The following PTPRG variants were observed in gnomAD, a reference collection of about 807,000 sequenced individuals.
PTPRG encodes receptor-type tyrosine-protein phosphatase gamma.
In PTPRG, 102 loss-of-function variants were observed where a neutral mutation model predicts 165.3. That is an observed-to-expected ratio of 0.62 (90% CI 0.53 to 0.73). PTPRG has a LOEUF of 0.73. Ranked by LOEUF, PTPRG falls within the 30% of genes least tolerant of loss-of-function variation. The pLI is 0.00. For synonymous variants in PTPRG, 675 were observed against 669.5 expected, an observed-to-expected ratio of 1.01 and a Z score of -0.13; for missense variants, 1,866 against 1,861.4, an observed-to-expected ratio of 1.00 and a Z score of -0.05.
At chr3:62,019,053 A>G (rs2041619335) in intron 4 of PTPRG, among the ~76,000 whole-genome samples, 1 of 152,208 alleles carries the variant, frequency 6.6e-6, no homozygotes. Context: ...ACCTTACTGA[A>G]GAAACTGGTT....
Position 61,562,258 on chromosome 3 carries a change from C to G in PTPRG, c.-30C>G, listed in dbSNP as rs369741118. On this transcript the variant is annotated 5_prime_UTR_variant, in exon 1 of 30. Coordinates refer to ENST00000474889, the MANE Select transcript of PTPRG (RefSeq NM_002841.4). Reference sequence around the variant, plus strand: ...CTTATTCAACAAGTTTACCTCCCTGCTTTCCTCTTTTCGATGTGCGTTTTC... The same window carrying G: ...CTTATTCAACAAGTTTACCTCCCTGGTTTCCTCTTTTCGATGTGCGTTTTC... 91 of 1,601,466 alleles carry G rather than the reference C, an allele frequency of 5.7e-5. No homozygotes were observed. The highest frequency in any genetic ancestry group is 3.3e-4 in the Middle Eastern group (2 of 6,058).
intron 1 of PTPRG, among the ~76,000 whole-genome samples, chr3:61,668,294 T>G (rs563136842): frequency 2.0e-5 from 3 of 152,122 alleles, no homozygotes; most frequent in Non-Finnish European, 4.4e-5. Context: ...TGTGAAATCA[T>G]TTACAGGACA....
chr3:62,044,082 A>AT (rs1331417601), intron 4 of PTPRG, among the ~76,000 whole-genome samples: 1 of 152,254 alleles, frequency 6.6e-6, no homozygotes, highest in Non-Finnish European at 1.5e-5. Flanking sequence ...ACTTCTTCTC[A>AT]GAACCTTTCC....
chr3:62,124,516 G>T (rs1703211342), intron 5 of PTPRG: 2 of 1,567,108 alleles, frequency 1.3e-6, no homozygotes, highest in African/African-American at 2.7e-5. Context: ...GGCTCATCAG[G>T]TCATCCACCG....
intron 2 of PTPRG, among the ~76,000 whole-genome samples, chr3:61,933,353 G>A (rs2039407301): frequency 6.6e-6 from 1 of 152,082 alleles, no homozygotes; most frequent in Non-Finnish European, 1.5e-5. Flanking sequence ...ACTATTAATT[G>A]TACTGGGTAC....
chr3:62,177,148 G>T (rs1180675374), intron 8 of PTPRG, among the ~76,000 whole-genome samples: 1 of 151,866 alleles, frequency 6.6e-6, no homozygotes, highest in Non-Finnish European at 1.5e-5. Flanking sequence ...GCTGGGCTTG[G>T]TAGCACACAC....
chr3:61,746,244 A>AGG (rs1159508434), intron 1 of PTPRG, among the ~76,000 whole-genome samples: 1 of 128,160 alleles, frequency 7.8e-6, no homozygotes. Flanking sequence ...TTTGAGACAG[A>AGG]ATCTCGCTGT....
intron 2 of PTPRG, among the ~76,000 whole-genome samples, chr3:61,852,858 G>A (rs908630131): frequency 2.6e-5 from 4 of 152,148 alleles, no homozygotes; most frequent in African/African-American, 7.2e-5. Context: ...TCTCAGTAAC[G>A]CGTATGGACA....
At chr3:61,942,532 T>C (rs1454027423) in intron 2 of PTPRG, among the ~76,000 whole-genome samples, 3 of 152,260 alleles carry the variant, frequency 2.0e-5, no homozygotes, top group South Asian at 2.1e-4. Context: ...GAGACCTGTG[T>C]TAGGCACATT....
intron 1 of PTPRG, among the ~76,000 whole-genome samples, chr3:61,638,274 G>GT (rs36047655): frequency 0.32 from 47,299 of 150,052 alleles, 8,261 homozygotes; most frequent in Middle Eastern, 0.43. Context: ...TTTGTATGTA[G>GT]TTTTTTTTTT....
intron 1 of PTPRG, among the ~76,000 whole-genome samples, chr3:61,600,175 T>A (rs9837961): frequency 0.057 from 5,344 of 94,114 alleles, 364 homozygotes; most frequent in African/African-American, 0.16. Context: ...AAAAAAAAAA[T>A]ATATATATAT....
At chr3:61,605,103 T>C (rs1291807480) in intron 1 of PTPRG, among the ~76,000 whole-genome samples, 1 of 152,174 alleles carries the variant, frequency 6.6e-6, no homozygotes, top group Non-Finnish European at 1.5e-5. Flanking sequence ...CATCTCCCAT[T>C]CGCTATCCTT....
intron 1 of PTPRG, among the ~76,000 whole-genome samples, chr3:61,680,267 T>C (rs1481825682): frequency 6.6e-6 from 1 of 151,962 alleles, no homozygotes; most frequent in Non-Finnish European, 1.5e-5. Context: ...TGAAGTCGCC[T>C]TCAGATGGCT....
At chr3:62,085,648 T>C (rs1701728317) in intron 5 of PTPRG, among the ~76,000 whole-genome samples, 3 of 152,230 alleles carry the variant, frequency 2.0e-5, no homozygotes. Flanking sequence ...TTTTAGTTCA[T>C]CTGTTAACTT....
At chr3:62,071,650 C>A (rs1701214167) in intron 4 of PTPRG, among the ~76,000 whole-genome samples, 1 of 152,124 alleles carries the variant, frequency 6.6e-6, no homozygotes, top group African/African-American at 2.4e-5. Flanking sequence ...GCCTTACAGA[C>A]AATAGGCATT....
intron 1 of PTPRG, among the ~76,000 whole-genome samples, chr3:61,656,974 A>G (rs199632404): frequency 6.6e-6 from 1 of 152,186 alleles, no homozygotes; most frequent in East Asian, 1.9e-4. Flanking sequence ...TACACATCAA[A>G]AAGTTCATGG....
At chr3:61,927,097 G>C (rs2039233467) in intron 2 of PTPRG, among the ~76,000 whole-genome samples, 1 of 152,160 alleles carries the variant, frequency 6.6e-6, no homozygotes, top group African/African-American at 2.4e-5. Context: ...GGAAACTCCA[G>C]AGTTAAGCAA....
intron 1 of PTPRG, among the ~76,000 whole-genome samples, chr3:61,632,243 A>G (rs1467093381): frequency 6.6e-6 from 1 of 152,144 alleles, no homozygotes; most frequent in Non-Finnish European, 1.5e-5. Flanking sequence ...GGGGAGGTCA[A>G]GGCTGCAGTG....
chr3:61,844,861 G>A (rs2036762537), intron 2 of PTPRG, among the ~76,000 whole-genome samples: 1 of 152,052 alleles, frequency 6.6e-6, no homozygotes, highest in Admixed American at 6.6e-5. Flanking sequence ...AATTTCATCA[G>A]ACTTTAAAGG....
Sources: allele counts gnomAD v4.1 joint callset (sites outside exome capture counted in the v4.1 genomes callset), GRCh38; gene constraint gnomAD v4.1.1; transcripts MANE v1.5; gene names NCBI Gene and HGNC (gene_info 2026-07-23, HGNC 2026-07-21).